The following YWHAG variants were observed in gnomAD, a reference collection of about 807,000 sequenced individuals.
YWHAG encodes the protein 14-3-3 protein gamma.
A neutral mutation model predicts 23.3 loss-of-function variants in YWHAG; 1 was observed. The observed-to-expected ratio is 0.04, with a 90% confidence interval of 0.02 to 0.20. The LOEUF (loss-of-function observed/expected upper bound fraction) is 0.20. YWHAG is among the 10% of genes least tolerant of loss of function. The probability of loss-of-function intolerance (pLI) is 1.00; values close to 1 mark genes in which losing one functional copy is unlikely to be tolerated. For synonymous variants in YWHAG, 160 were observed against 144.0 expected (o/e 1.11, Z -0.80); for missense variants, 151 against 338.6 (o/e 0.45, Z 4.35).
At chr7:76,336,911 A>G (rs1178226009) in intron 1 of YWHAG, among the ~76,000 whole-genome samples, 1 of 152,220 alleles carries the variant, frequency 6.6e-6, no homozygotes, top group Non-Finnish European at 1.5e-5. Flanking sequence ...AGAAACAGAA[A>G]GAATGAGATG....
At chr7:76,342,071 T>C (rs1169262527) in intron 1 of YWHAG, among the ~76,000 whole-genome samples, 1 of 152,222 alleles carries the variant, frequency 6.6e-6, no homozygotes, top group Non-Finnish European at 1.5e-5. Context: ...CACAGACCTC[T>C]GGCTCTTACA....
intron 1 of YWHAG, among the ~76,000 whole-genome samples, chr7:76,355,920 C>T (rs541306082): frequency 1.3e-5 from 2 of 152,300 alleles, no homozygotes; most frequent in South Asian, 4.1e-4. Context: ...TCTAGGTGTT[C>T]ACTCTCCTTC....
At chr7:76,336,390 G>A (rs1057331642) in intron 1 of YWHAG, among the ~76,000 whole-genome samples, 13 of 152,036 alleles carry the variant, frequency 8.6e-5, no homozygotes, top group Non-Finnish European at 1.3e-4. Flanking sequence ...GTGGGGCAGG[G>A]GGTATATGGG....
intron 1 of YWHAG, among the ~76,000 whole-genome samples, chr7:76,355,098 T>TA (rs1563669022): frequency 6.6e-6 from 1 of 152,224 alleles, no homozygotes; most frequent in Admixed American, 6.5e-5. Context: ...CATCACTTTT[T>TA]AAAAATAACC....
At chr7:76,348,991 G>A (rs1163868614) in intron 1 of YWHAG, among the ~76,000 whole-genome samples, 2 of 152,142 alleles carry the variant, frequency 1.3e-5, no homozygotes, top group Non-Finnish European at 2.9e-5. Flanking sequence ...GCTTCCCAAG[G>A]TGACAGTAAA....
intron 1 of YWHAG, among the ~76,000 whole-genome samples, chr7:76,343,596 ATT>A (rs912449225): frequency 2.0e-5 from 3 of 152,114 alleles, no homozygotes; most frequent in African/African-American, 4.8e-5. Context: ...ATTCCTCCTG[ATT>A]CTGTCATTCC....
Position 76,348,545 on chromosome 7 carries a change from A to T in YWHAG, c.87+10177T>A, listed in dbSNP as rs929263837. Among the ~76,000 whole-genome samples the T allele has an allele frequency of 3.8e-4, 57 of 151,778 alleles. 1 individual carries two copies. The highest frequency in any genetic ancestry group is 1.3e-3 in the African/African-American group (53 of 41,364). On this transcript the variant is annotated intron_variant, in intron 1 of 1. Coordinates refer to ENST00000307630, the MANE Select transcript of YWHAG (RefSeq NM_012479.4). ...CAGCCTCCCGAGTAGCTGGGGCTAC[A>T]GGTGACCGCCACCACGCCCGACTAA...
intron 1 of YWHAG, among the ~76,000 whole-genome samples, chr7:76,355,385 CAGT>C (rs1445707177): frequency 6.6e-6 from 1 of 152,208 alleles, no homozygotes; most frequent in Non-Finnish European, 1.5e-5. Context: ...TGTTGAATCT[CAGT>C]AGAATTCAAA....
chr7:76,340,522 GA>G, intron 1 of YWHAG, among the ~76,000 whole-genome samples: 1 of 152,276 alleles, frequency 6.6e-6, no homozygotes, highest in African/African-American at 2.4e-5. Flanking sequence ...ATCAGAAATG[GA>G]TTTTTCAACA....
intron 1 of YWHAG, among the ~76,000 whole-genome samples, chr7:76,344,015 T>A (rs1803739644): frequency 6.6e-6 from 1 of 152,220 alleles, no homozygotes; most frequent in Non-Finnish European, 1.5e-5. Flanking sequence ...CCGAGATCTA[T>A]CTTTCTCTGC....
At chr7:76,346,797 T>G (rs1803785194) in intron 1 of YWHAG, among the ~76,000 whole-genome samples, 1 of 152,148 alleles carries the variant, frequency 6.6e-6, no homozygotes, top group African/African-American at 2.4e-5. Flanking sequence ...ATGGTCCTCT[T>G]CAGCCTGAAG....
chr7:76,347,744 T>C lies in YWHAG; in HGVS notation c.87+10978A>G, dbSNP rs1379321612. ...CAAATTCCACATAAAACTATATTAT[T>C]CTGGTTTTTACTTGCTATACAAAAG... On this transcript the variant is annotated intron_variant, in intron 1 of 1. Coordinates refer to ENST00000307630, the MANE Select transcript of YWHAG (RefSeq NM_012479.4). 4.6e-5 allele frequency among the ~76,000 whole-genome samples: 7 copies of C among 152,362 alleles called. No individual in the cohort carries two copies. In the East Asian group the frequency reaches 7.7e-4, roughly 17 times the overall value.
chr7:76,351,997 C>T (rs137911560), intron 1 of YWHAG, among the ~76,000 whole-genome samples: 2 of 152,302 alleles, frequency 1.3e-5, no homozygotes, highest in Non-Finnish European at 2.9e-5. Context: ...CGGGCCCTCA[C>T]ATTATAACAT....
At chr7:76,337,119 C>A (rs1803627712) in intron 1 of YWHAG, among the ~76,000 whole-genome samples, 1 of 152,166 alleles carries the variant, frequency 6.6e-6, no homozygotes, top group East Asian at 1.9e-4. Flanking sequence ...CATGAACTCC[C>A]TTCTGTGCAG....
Position 76,329,606 on chromosome 7 carries a change from C to A in YWHAG, c.715G>T (p.Asp239Tyr). The change falls in exon 2 of 2, where the codon GAC becomes TAC. Residue 239 changes from aspartate (D) to tyrosine (Y), a missense_variant. Coordinates refer to ENST00000307630, the MANE Select transcript of YWHAG (RefSeq NM_012479.4). This position sits in a 1 kb window ranked among gnomAD's most constrained non-coding sequence, Gnocchi z 6.1. ...NLTLWTSDQQ[D>Y]DDGGEGNN ...TTGTTGCCTTCGCCGCCATCGTCGTCCTGCTGGTCGCTCGTCCAGAGCGTG... is the reference window on the plus strand; with the variant it reads ...TTGTTGCCTTCGCCGCCATCGTCGTACTGCTGGTCGCTCGTCCAGAGCGTG... 6.2e-7 allele frequency: 1 copy of A among 1,611,204 alleles called. No individual in the cohort carries two copies. Among genetic ancestry groups the A allele is most frequent in the Non-Finnish European group, 8.5e-7 (1 of 1,177,568 alleles).
At chr7:76,344,267 C>T (rs377198518) in intron 1 of YWHAG, among the ~76,000 whole-genome samples, 1 of 152,258 alleles carries the variant, frequency 6.6e-6, no homozygotes, top group African/African-American at 2.4e-5. Flanking sequence ...CATGCCACCA[C>T]GTCTGGCTAA....
In YWHAG at chr7:76,329,763, G is replaced by A; in HGVS notation, c.558C>T (p.Ile186=). Residue 186 remains isoleucine, a synonymous_variant, in exon 2 of 2, where the codon ATC becomes ATT. Transcript: ENST00000307630. The surrounding 1 kb of genome is among the most constrained non-coding windows in gnomAD (Gnocchi z 6.1). ...GGCACGCTTGCTCTGGGGCGTTCTG[G>A]ATCTCATAGTAGAAGACGGAGTAGT... ...ALNYSVFYYE[I]QNAPEQACHL... 6.2e-7 allele frequency: 1 copy of A among 1,614,086 alleles called. No homozygotes were observed. The highest frequency in any genetic ancestry group is 1.3e-5 in the African/African-American group (1 of 75,022).
chr7:76,348,404 C>T (rs554007661), intron 1 of YWHAG, among the ~76,000 whole-genome samples: 5 of 150,416 alleles, frequency 3.3e-5, no homozygotes, highest in Non-Finnish European at 5.9e-5. Flanking sequence ...TATAGGCGCA[C>T]GCCACCATGC....
At chr7:76,343,738 T>C (rs377293134) in intron 1 of YWHAG, among the ~76,000 whole-genome samples, 2 of 152,182 alleles carry the variant, frequency 1.3e-5, no homozygotes, top group African/African-American at 2.4e-5. Flanking sequence ...AAGTATGAGA[T>C]AGGCAAGGCT....
Sources: allele counts gnomAD v4.1 joint callset (sites outside exome capture counted in the v4.1 genomes callset), GRCh38; gene constraint gnomAD v4.1.1; non-coding constraint Gnocchi (gnomAD v3.1); transcripts MANE v1.5; gene names NCBI Gene and HGNC (gene_info 2026-07-23, HGNC 2026-07-21).